Variants in TRMT9B observed in about 807,000 individuals in gnomAD.
TRMT9B encodes the protein tRNA methyltransferase 9B (putative).
A neutral mutation model predicts 11.5 loss-of-function variants in TRMT9B; 16 were observed. The observed-to-expected ratio is 1.39, with a 90% CI of 0.94 to 2.11. TRMT9B has a LOEUF of 2.11. TRMT9B is among the 30% of genes most tolerant of loss of function. TRMT9B has a pLI of 0.00. For missense variants in TRMT9B, 941 were observed against 553.8 expected, an observed-to-expected ratio of 1.70 and a Z score of -7.02; for synonymous variants, 274 against 192.4, an observed-to-expected ratio of 1.42 and a Z score of -3.51.
chr8:13,013,292 G>T lies in TRMT9B; in HGVS notation c.328+435G>T, dbSNP rs139210051. Among the ~76,000 whole-genome samples, 323 of 152,236 alleles carry T rather than the reference G, an allele frequency of 2.1e-3. 2 individuals are homozygous for T. The highest frequency in any genetic ancestry group is 7.6e-3 in the African/African-American group (317 of 41,528). On this transcript the variant is annotated intron_variant, in intron 4 of 4. Coordinates refer to ENST00000524591, the MANE Select transcript of TRMT9B (RefSeq NM_020844.3). ...GGGCTAACAAACCAAATGTCACCTG[G>T]ACCAATCTGCCACTCACTGGTACTC...
chr8:13,010,227 A>G (rs922856365), intron 3 of TRMT9B: 83 of 871,176 alleles, frequency 9.5e-5, no homozygotes, highest in Non-Finnish European at 1.1e-4. Context: ...CTTTTTGCCA[A>G]TTTGTATCTT....
intron 3 of TRMT9B, chr8:13,007,710 C>T (rs767581592): frequency 6.6e-6 from 1 of 152,098 alleles, no homozygotes; most frequent in Non-Finnish European, 1.5e-5. Context: ...TCTAAGTAAG[C>T]CACGTACCAG....
chr8:13,006,249 T>G lies in TRMT9B; in HGVS notation c.47T>G (p.Val16Gly). ...AQLEKQHVHNVYESTAPYFSD... is the reference protein window; with the variant it reads ...AQLEKQHVHNGYESTAPYFSD... ...CTGGAGAAGCAGCATGTGCACAATGTGTACGAGAGCACAGCCCCTTACTTC... is the reference window on the plus strand; with the variant it reads ...CTGGAGAAGCAGCATGTGCACAATGGGTACGAGAGCACAGCCCCTTACTTC... The change falls in exon 3 of 5, where the codon GTG (valine) becomes GGG (glycine). Residue 16 changes from valine to glycine, a missense_variant. Coordinates refer to ENST00000524591, the MANE Select transcript of TRMT9B (RefSeq NM_020844.3). 6.2e-7 allele frequency: 1 copy of G among 1,614,004 alleles called. No individual in the cohort carries two copies. Among genetic ancestry groups the G allele is most frequent in the East Asian group, 2.2e-5 (1 of 44,886 alleles).
intron 1 of TRMT9B, among the ~76,000 whole-genome samples, chr8:12,969,207 A>AAAAC (rs369224363): frequency 0.031 from 4,767 of 152,126 alleles, 265 homozygotes; most frequent in African/African-American, 0.11. Flanking sequence ...ACTGTGTCTA[A>AAAAC]AAACAAACAA....
At chr8:12,993,105 G>A (rs1337747940) in intron 2 of TRMT9B, among the ~76,000 whole-genome samples, 1 of 152,172 alleles carries the variant, frequency 6.6e-6, no homozygotes, top group Non-Finnish European at 1.5e-5. Context: ...GATTTGTGTG[G>A]ATACAGCTGA....
intron 1 of TRMT9B, among the ~76,000 whole-genome samples, chr8:12,955,408 G>C (rs1801163012): frequency 6.6e-6 from 1 of 152,054 alleles, no homozygotes; most frequent in Non-Finnish European, 1.5e-5. Flanking sequence ...TATTCTCTTT[G>C]CCTTTCCCCG....
chr8:13,012,958 A>G (rs1811934535), intron 4 of TRMT9B, 101 bp downstream of exon 4: 3 of 1,316,778 alleles, frequency 2.3e-6, no homozygotes, highest in Non-Finnish European at 3.0e-6. Flanking sequence ...AGAAATGTCA[A>G]TGTAATTTAT....
chr8:13,021,026 CA>C lies in TRMT9B; in HGVS notation c.351del (p.Lys117AsnfsTer8), dbSNP rs1813728722. On this transcript the variant is annotated frameshift_variant, in exon 5 of 5. Coordinates refer to ENST00000524591, the MANE Select transcript of TRMT9B (RefSeq NM_020844.3). LOFTEE classifies it low-confidence loss of function (END_TRUNC). ...TTTTCAGTCATACATCATTTTTCTA[CA>C]AAACAAAGAAGAATCAGAGCAATAA... Reference protein sequence around the residue: ...ISIGVIHHFSTKQRRIRAIKE... With the variant: ...ISIGVIHHFSXKQRRIRAIKE... 1.3e-6 allele frequency: 2 copies of C among 1,551,676 alleles called. No homozygotes were observed. The highest frequency in any genetic ancestry group is 2.7e-5 in the African/African-American group (2 of 73,090).
chr8:13,018,829 C>G (rs940860802), intron 4 of TRMT9B, among the ~76,000 whole-genome samples: 28 of 152,172 alleles, frequency 1.8e-4, no homozygotes, highest in African/African-American at 6.5e-4. Context: ...TCACAGTCTT[C>G]CAAGGCTTAG....
chr8:13,003,707 T>A (rs568416030), intron 2 of TRMT9B, among the ~76,000 whole-genome samples: 9 of 151,154 alleles, frequency 6.0e-5, no homozygotes, highest in Non-Finnish European at 1.2e-4. Context: ...AAGTTGAAGG[T>A]AAGAACTGAG....
At chr8:13,004,042 C>T (rs1809958223) in intron 2 of TRMT9B, among the ~76,000 whole-genome samples, 1 of 151,824 alleles carries the variant, frequency 6.6e-6, no homozygotes, top group Non-Finnish European at 1.5e-5. Context: ...CTCAGTGCTG[C>T]CCTGTCACAG....
intron 3 of TRMT9B, chr8:13,011,962 T>A: frequency 2.0e-6 from 2 of 985,360 alleles, no homozygotes; most frequent in East Asian, 1.1e-4. Context: ...GTGGTAAGAA[T>A]CTTTGGAGAG....
intron 2 of TRMT9B, among the ~76,000 whole-genome samples, chr8:12,999,706 A>G (rs1398259678): frequency 6.6e-6 from 1 of 152,210 alleles, no homozygotes; most frequent in Non-Finnish European, 1.5e-5. Flanking sequence ...ATCTAGTAGA[A>G]ATACTTAAGC....
intron 4 of TRMT9B, among the ~76,000 whole-genome samples, chr8:13,018,777 C>A (rs117503158): frequency 0.016 from 2,410 of 152,246 alleles, 30 homozygotes; most frequent in Non-Finnish European, 0.024. Context: ...CAACTCATGC[C>A]TGAACGAAGT....
rs1453512586 is a variant in TRMT9B, at chr8:13,029,114, T to C, written c.*7070T>C. 6.0e-6 allele frequency: 1 copy of C among 167,008 alleles called. No homozygotes were observed. Among genetic ancestry groups the C allele is most frequent in the African/African-American group, 2.4e-5 (1 of 41,454 alleles). 10.3% of individuals were successfully genotyped at this position (167,008 alleles called of 1,614,324 possible). ...GTCATTAGTGACCAAGAAAAAGTAG[T>C]TCTTTTGTGCACGCGTGAATACATC... On this transcript the variant is annotated 3_prime_UTR_variant, in exon 5 of 5. Transcript: ENST00000524591.
At position 13,025,219 on chromosome 8, in the gene TRMT9B, C is replaced by G. The variant is rs1316961920; in HGVS notation, c.*3175C>G. 6.0e-6 allele frequency: 1 copy of G among 166,960 alleles called. No individual in the cohort carries two copies. Among genetic ancestry groups the G allele is most frequent in the Admixed American group, 6.6e-5 (1 of 15,254 alleles). 10.3% of individuals were successfully genotyped at this position (166,960 alleles called of 1,614,324 possible). On this transcript the variant is annotated 3_prime_UTR_variant, in exon 5 of 5. Transcript: ENST00000524591. ...GAGTTTGGGGGTTTATTGGAGGAGT[C>G]TTAAAAACTTGGTTGGCAGCTGGGT... is the stretch of plus-strand genomic sequence containing the variant.
intron 3 of TRMT9B, chr8:13,010,391 G>T: frequency 1.0e-6 from 1 of 982,178 alleles, no homozygotes; most frequent in Non-Finnish European, 1.2e-6. Context: ...AGAAAAGACA[G>T]ATGGTAATAT....
At chr8:12,951,946 C>G (rs1043327919) in intron 1 of TRMT9B, 5 of 153,338 alleles carry the variant, frequency 3.3e-5, no homozygotes, top group African/African-American at 1.2e-4. Context: ...AGCCCCGACA[C>G]GAGCCCCGGC....
At chr8:12,974,083 A>C (rs756598967) in intron 1 of TRMT9B, among the ~76,000 whole-genome samples, 14 of 152,090 alleles carry the variant, frequency 9.2e-5, no homozygotes, top group Non-Finnish European at 1.6e-4. Context: ...AGGCGGGAGG[A>C]TGGCTTGAGC....
Sources: gnomAD v4.1 joint callset for allele counts (sites outside exome capture counted in the v4.1 genomes callset) on GRCh38, gnomAD v4.1.1 for gene constraint, MANE v1.5 for transcripts, NCBI Gene and HGNC (gene_info 2026-07-23, HGNC 2026-07-21) for gene names.